The following RIPOR1 variants were observed in gnomAD, a reference collection of about 807,000 sequenced individuals.
The protein encoded by RIPOR1 is rho family-interacting cell polarization regulator 1.
In RIPOR1, 58 loss-of-function variants were observed where a neutral mutation model predicts 116.5. That is an observed-to-expected ratio of 0.50 (90% CI 0.40 to 0.62). The LOEUF (loss-of-function observed/expected upper bound fraction) is 0.62, where lower values mean the gene tolerates loss of function less well. Among genes scored for constraint, RIPOR1 ranks in the 20% least tolerant of loss-of-function variants. The pLI is 0.00. For synonymous variants in RIPOR1, 605 were observed against 650.0 expected (o/e 0.93, Z 1.05); for missense variants, 1,372 against 1,586.2 (o/e 0.86, Z 2.29).
chr16:67,546,262 A>T, intron 21 of RIPOR1, 31 bp downstream of exon 21: 10 of 1,611,378 alleles, frequency 6.2e-6, no homozygotes, highest in Non-Finnish European at 8.5e-6. Flanking sequence ...AGATGGGTGG[A>T]GTTCTGGGAC....
At chr16:67,532,897 G>C (rs998648375) in intron 1 of RIPOR1, among the ~76,000 whole-genome samples, 3 of 152,340 alleles carry the variant, frequency 2.0e-5, no homozygotes, top group African/African-American at 7.2e-5. Flanking sequence ...ATGATTGCAG[G>C]TTAGAGTGGA....
chr16:67,539,874 G>A lies in RIPOR1; in HGVS notation c.389G>A (p.Arg130Gln). The A allele has an allele frequency of 3.1e-6, 5 of 1,614,176 alleles. No individual in the cohort carries two copies. Among genetic ancestry groups the A allele is most frequent in the Non-Finnish European group, 3.4e-6 (4 of 1,180,034 alleles). ...GTCAAGTCCATTGAACGCTTCCTGCGACGACTGGAGTTCCATGCCAGCAAG... is the reference window on the plus strand; with the variant it reads ...GTCAAGTCCATTGAACGCTTCCTGCAACGACTGGAGTTCCATGCCAGCAAG... ...KQVKSIERFL[R>Q]RLEFHASKID... is the part of the protein sequence containing the mutation. The change falls in exon 6 of 22, where the codon CGA becomes CAA. Residue 130 changes from arginine to glutamine, a missense_variant. Physicochemically the swap from Arg to Gln is conservative, Grantham distance 43. Transcript: ENST00000042381.
At chr16:67,538,028 TG>T (rs900546203) in intron 1 of RIPOR1, 31 of 187,080 alleles carry the variant, frequency 1.7e-4, no homozygotes, top group African/African-American at 2.6e-4. Context: ...CCGGGTGCCC[TG>T]GGGGGGGAAA....
intron 1 of RIPOR1, among the ~76,000 whole-genome samples, chr16:67,533,070 C>T (rs1213247911): frequency 6.6e-6 from 1 of 151,994 alleles, no homozygotes; most frequent in Non-Finnish European, 1.5e-5. Flanking sequence ...GAGGGGGTGA[C>T]CTGGCAGGAG....
intron 1 of RIPOR1, 150 bp from the exon 2 acceptor site, chr16:67,538,274 G>A (rs2050858879): frequency 1.0e-6 from 1 of 1,002,134 alleles, no homozygotes; most frequent in Non-Finnish European, 1.4e-6. Flanking sequence ...ATTAGTGCCC[G>A]GGTCGGCGGG....
Position 67,531,732 on chromosome 16 carries a change from C to T in RIPOR1, c.-24+2818C>T, listed in dbSNP as rs1385245322. 2.6e-5 allele frequency: 10 copies of T among 384,920 alleles called. No homozygotes were observed. Among genetic ancestry groups the T allele is most frequent in the Non-Finnish European group, 4.7e-5 (9 of 192,032 alleles). The allele number at this position is 384,920 out of a possible 1,614,324, so 23.8% of individuals were successfully genotyped here. ...AGGGACAGGACAAATCCTGAAGGGC[C>T]TACGTGGGTCATGTTAGAGAGTCTG... On this transcript the variant is annotated intron_variant, in intron 1 of 21. Coordinates refer to ENST00000042381, the MANE Select transcript of RIPOR1 (RefSeq NM_024519.4). The surrounding 1 kb of genome is among the most constrained non-coding windows in gnomAD (Gnocchi z 4.2).
intron 1 of RIPOR1, among the ~76,000 whole-genome samples, chr16:67,535,819 G>A (rs1308228596): frequency 2.6e-5 from 4 of 152,180 alleles, no homozygotes; most frequent in East Asian, 1.9e-4. Context: ...AGAGGCCAGC[G>A]ATAGGCAGGC....
At chr16:67,536,729 G>A (rs2050804185) in intron 1 of RIPOR1, among the ~76,000 whole-genome samples, 1 of 152,120 alleles carries the variant, frequency 6.6e-6, no homozygotes, top group African/African-American at 2.4e-5. Context: ...ACACTATGGG[G>A]TGGATCTAGC....
chr16:67,524,889 G>C (rs1357571051), upstream of RIPOR1, among the ~76,000 whole-genome samples: 1 of 152,122 alleles, frequency 6.6e-6, no homozygotes, highest in African/African-American at 2.4e-5. Context: ...CACACACACA[G>C]TGCCTGAGTG....
chr16:67,521,058 T>A (rs1239228329), intron 1 of RIPOR1, among the ~76,000 whole-genome samples: 2 of 152,082 alleles, frequency 1.3e-5, no homozygotes, highest in African/African-American at 4.8e-5. Flanking sequence ...GAGGGGGTTT[T>A]AATGGTAGTG....
rs1303738793 is a variant in RIPOR1 at position 67,545,386 on chromosome 16, G to T, written c.3042G>T (p.Lys1014Asn). 1.2e-6 allele frequency: 2 copies of T among 1,613,980 alleles called. No homozygotes were observed. Among genetic ancestry groups the T allele is most frequent in the Non-Finnish European group, 1.7e-6 (2 of 1,179,980 alleles). Residue 1014 changes from lysine (K) to asparagine (N), a missense_variant, in exon 18 of 22, where the codon AAG becomes AAT. Lys to Asn is a moderately conservative substitution (Grantham distance 94). Coordinates refer to ENST00000042381, the MANE Select transcript of RIPOR1 (RefSeq NM_024519.4). The surrounding 1 kb of genome is among the most constrained non-coding windows in gnomAD (Gnocchi z 4.8). ...TACTGCCTCCTGCAGTGTGTGTGAA[G>T]TTCCTGGAGGATGCCCTGGGGCAGA... ...QPGLAEAVCV[K>N]FLEDALGQKL... is the part of the protein sequence containing the mutation.
chr16:67,534,551 C>T (rs909212857), intron 1 of RIPOR1, among the ~76,000 whole-genome samples: 2 of 152,192 alleles, frequency 1.3e-5, no homozygotes, highest in African/African-American at 4.8e-5. Context: ...GGAAATTTAA[C>T]CCAGAGCAGG....
Position 67,529,876 on chromosome 16 carries a change from A to G in RIPOR1, c.-24+962A>G, listed in dbSNP as rs1336246877. The G allele has an allele frequency of 1.0e-5, 15 of 1,471,464 alleles. No individual in the cohort carries two copies. The highest frequency in any genetic ancestry group is 2.0e-5 in the Admixed American group (1 of 50,890). 91.2% of individuals were successfully genotyped at this position (1,471,464 alleles called of 1,614,324 possible). A position where few individuals can be genotyped will look rare whatever the true frequency, so the allele number is the denominator to read the frequency against. On this transcript the variant is annotated intron_variant, in intron 1 of 21. Transcript: ENST00000042381. The surrounding 1 kb of genome is among the most constrained non-coding windows in gnomAD (Gnocchi z 4.1). ...CCCAGAGAGGTTAGTAGTATTCTCA[A>G]GGTCACACAGCTGGTTTGGGAGAAG... is the stretch of plus-strand genomic sequence containing the variant.
Position 67,538,975 on chromosome 16 carries a change from C to T in RIPOR1, c.258-15C>T. The T allele has an allele frequency of 1.2e-6, 2 of 1,613,636 alleles. No individual in the cohort carries two copies. Among genetic ancestry groups the T allele is most frequent in the Non-Finnish European group, 1.7e-6 (2 of 1,179,846 alleles). On this transcript the variant is annotated splice_polypyrimidine_tract_variant and intron_variant, in intron 3 of 21. Transcript: ENST00000042381. ...GGAGAGCCGAGTTCATTCTTGTGGT[C>T]GCCCCTTTCCTCAGGGCCTACTTGG... is the stretch of plus-strand genomic sequence containing the variant.
At chr16:67,539,992 A>C in intron 6 of RIPOR1, 61 bp from the exon 7 acceptor site, 1 of 1,613,736 alleles carries the variant, frequency 6.2e-7, no homozygotes, top group Non-Finnish European at 8.5e-7. Flanking sequence ...GCAACCTTAG[A>C]GGTGAGTAAC....
chr16:67,538,800 A>T lies in RIPOR1; in HGVS notation c.233A>T (p.Tyr78Phe). 1 of 1,613,362 alleles carries T rather than the reference A, an allele frequency of 6.2e-7. No individual in the cohort carries two copies. Among genetic ancestry groups the T allele is most frequent in the Non-Finnish European group, 8.5e-7 (1 of 1,179,984 alleles). ...VPQPERLDLV[Y>F]TALKRGLTAY... ...CAGCCCGAGCGGCTGGACCTGGTGT[A>T]CACGGCGCTGAAGCGGGGCCTGACG... The change falls in exon 3 of 22, where the codon TAC becomes TTC. Residue 78 changes from tyrosine to phenylalanine, a missense_variant. Tyr to Phe is a conservative substitution (Grantham distance 22). Transcript: ENST00000042381.
At chr16:67,522,085 T>C (rs2050499316) in intron 1 of RIPOR1, among the ~76,000 whole-genome samples, 5 of 151,698 alleles carry the variant, frequency 3.3e-5, no homozygotes, top group Admixed American at 2.0e-4. Context: ...TGGAGTGCAG[T>C]GGTGCGATCT....
chr16:67,544,300 C>T lies in RIPOR1; in HGVS notation c.2602C>T (p.Pro868Ser). 6.3e-7 allele frequency: 1 copy of T among 1,598,478 alleles called. No homozygotes were observed. The highest frequency in any genetic ancestry group is 8.6e-7 in the Non-Finnish European group (1 of 1,168,090). The change falls in exon 15 of 22, where the codon CCT becomes TCT. Residue 868 changes from proline to serine, a missense_variant and splice_region_variant. Transcript: ENST00000042381. This position sits in a 1 kb window ranked among gnomAD's most constrained non-coding sequence, Gnocchi z 5.1. Reference sequence around the variant, plus strand: ...TGGTGGACCCCATTTTTCCCTCAGGCCTCCAAGCAGCCCGGAGGCTGGGGC... The same window carrying T: ...TGGTGGACCCCATTTTTCCCTCAGGTCTCCAAGCAGCCCGGAGGCTGGGGC... The part of the protein sequence containing the change: ...DEDNDVPGDR[P>S]PSSPEAGAED...
In RIPOR1 at chr16:67,545,671, G is replaced by C. The variant is rs2051140391; in HGVS notation, c.3198G>C (p.Leu1066=). 6.4e-7 allele frequency: 1 copy of C among 1,568,136 alleles called. No individual in the cohort carries two copies. The highest frequency in any genetic ancestry group is 1.4e-5 in the African/African-American group (1 of 73,450). ...CATATCCCCTTTTTTCAGTGCTACT[G>C]GTGCGGAATCTGAACTCGGATGATC... ...YVTETAEEVL[L]VRNLNSDDQA... The change falls in exon 19 of 22, where the codon CTG becomes CTC. Residue 1066 remains leucine (L), a synonymous_variant. Transcript: ENST00000042381. This position sits in a 1 kb window ranked among gnomAD's most constrained non-coding sequence, Gnocchi z 4.8.
Sources: gnomAD v4.1 joint callset for allele counts (sites outside exome capture counted in the v4.1 genomes callset) on GRCh38, gnomAD v4.1.1 for gene constraint, Gnocchi (gnomAD v3.1) non-coding constraint, MANE v1.5 for transcripts, NCBI Gene and HGNC (gene_info 2026-07-23, HGNC 2026-07-21) for gene names.